Variants in PPP2R2C observed in about 807,000 individuals in gnomAD.
PPP2R2C encodes protein phosphatase 2, regulatory subunit B, gamma.
A neutral mutation model predicts 45.3 loss-of-function variants in PPP2R2C; 10 were observed. That is an observed-to-expected ratio of 0.22 (90% CI 0.14 to 0.37). The LOEUF (loss-of-function observed/expected upper bound fraction) is 0.37. Ranked by LOEUF, PPP2R2C falls within the 10% of genes least tolerant of loss-of-function variation. The pLI, the probability that PPP2R2C is intolerant of heterozygous loss-of-function variation, is 1.00. For missense variants in PPP2R2C, 308 were observed against 619.7 expected (o/e 0.50, Z 5.34); for synonymous variants, 257 against 245.4 (o/e 1.05, Z -0.44).
intron 1 of PPP2R2C, among the ~76,000 whole-genome samples, chr4:6,557,723 C>T (rs1725456242): frequency 6.6e-6 from 1 of 152,094 alleles, no homozygotes; most frequent in Admixed American, 6.5e-5. Flanking sequence ...TTGGGAGGCC[C>T]TCAAGTAGTC....
chr4:6,545,605 G>A (rs1324608911), intron 1 of PPP2R2C, among the ~76,000 whole-genome samples: 2 of 152,184 alleles, frequency 1.3e-5, no homozygotes, highest in East Asian at 3.9e-4. Context: ...AGACATGAAT[G>A]CACTCAGCCA....
In PPP2R2C at chr4:6,328,997, C is replaced by T. The variant is rs2109160992; in HGVS notation, c.1052+265G>A. On this transcript the variant is annotated intron_variant, in intron 8 of 8. Coordinates refer to ENST00000382599, the MANE Select transcript of PPP2R2C (RefSeq NM_020416.4). The surrounding 1 kb of genome is among the most constrained non-coding windows in gnomAD (Gnocchi z 4.4). ...CACCGGGGACCCTGAATTAACTAAA[C>T]ATGTTCCCACTACTGCCCATAGGGC... 6.6e-6 allele frequency among the ~76,000 whole-genome samples: 1 copy of T among 152,356 alleles called. No individual in the cohort carries two copies. The highest frequency in any genetic ancestry group is 2.4e-5 in the African/African-American group (1 of 41,584).
At chr4:6,397,121 T>C (rs1717091701) in intron 1 of PPP2R2C, among the ~76,000 whole-genome samples, 1 of 152,336 alleles carries the variant, frequency 6.6e-6, no homozygotes, top group Admixed American at 6.5e-5. Flanking sequence ...CCTCAGAGCT[T>C]GGACTCCTCA....
At chr4:6,382,316 G>C (rs1715862630) in intron 1 of PPP2R2C, 1 of 1,288,098 alleles carries the variant, frequency 7.8e-7, no homozygotes. Context: ...CAAAATCTGT[G>C]ATACCACCTT....
At chr4:6,377,845 G>A (rs958265274) in intron 3 of PPP2R2C, among the ~76,000 whole-genome samples, 2 of 152,080 alleles carry the variant, frequency 1.3e-5, no homozygotes, top group African/African-American at 2.4e-5. Context: ...GCGTCAGGCC[G>A]AGAGCCTCCG....
intron 5 of PPP2R2C, among the ~76,000 whole-genome samples, chr4:6,371,916 C>T (rs1714859344): frequency 1.3e-5 from 2 of 152,260 alleles, no homozygotes; most frequent in African/African-American, 4.8e-5. Context: ...GGCCAAGCCT[C>T]GCCCTGCCTG....
In PPP2R2C at chr4:6,331,983, G is replaced by A. The variant is rs1044344870; in HGVS notation, c.960+1579C>T. ...TATTGCTATTATTTTAGCATCAATA[G>A]GTCAGCTGGGCCAGATGCCAAGTGC... is the stretch of plus-strand genomic sequence containing the variant. On this transcript the variant is annotated intron_variant, in intron 7 of 8. Coordinates refer to ENST00000382599, the MANE Select transcript of PPP2R2C (RefSeq NM_020416.4). This position sits in a 1 kb window ranked among gnomAD's most constrained non-coding sequence, Gnocchi z 5.9. 6.6e-6 allele frequency among the ~76,000 whole-genome samples: 1 copy of A among 152,154 alleles called. No homozygotes were observed. The highest frequency in any genetic ancestry group is 2.4e-5 in the African/African-American group (1 of 41,414).
At chr4:6,403,041 G>A (rs191026546) in intron 1 of PPP2R2C, among the ~76,000 whole-genome samples, 68 of 152,338 alleles carry the variant, frequency 4.5e-4, no homozygotes, top group Middle Eastern at 3.4e-3. Context: ...CAGGCGGCAG[G>A]AGGGCAGTAA....
intron 6 of PPP2R2C, among the ~76,000 whole-genome samples, chr4:6,334,686 G>T (rs770146056): frequency 2.0e-5 from 3 of 152,164 alleles, no homozygotes; most frequent in African/African-American, 7.2e-5. Context: ...AAGAGAACAG[G>T]GTGGTGGAGT....
chr4:6,349,786 G>A, intron 5 of PPP2R2C: 1 of 799,434 alleles, frequency 1.3e-6, no homozygotes, highest in South Asian at 5.7e-5. Flanking sequence ...AGCTAATCAG[G>A]AGGCTGAGGC....
intron 5 of PPP2R2C, among the ~76,000 whole-genome samples, chr4:6,369,502 A>C (rs1394084681): frequency 6.6e-6 from 1 of 152,228 alleles, no homozygotes; most frequent in African/African-American, 2.4e-5. Context: ...TTTTTTTTAA[A>C]TGGGAAAAGT....
chr4:6,555,871 C>T (rs1243315678), intron 1 of PPP2R2C, among the ~76,000 whole-genome samples: 2 of 152,196 alleles, frequency 1.3e-5, no homozygotes, highest in African/African-American at 4.8e-5. Flanking sequence ...CTGTTGTCCC[C>T]TGATGTTGGA....
chr4:6,527,638 C>T (rs1046294984), intron 2 of PPP2R2C, among the ~76,000 whole-genome samples: 1 of 148,258 alleles, frequency 6.7e-6, no homozygotes, highest in Admixed American at 6.8e-5. Flanking sequence ...ATGCCCTGGC[C>T]ACATGGAACT....
chr4:6,328,317 G>T lies in PPP2R2C; in HGVS notation c.1052+945C>A, dbSNP rs1286528290. ...ATCTCCACACTGTGTATCATCTGGA[G>T]ACCCACTTCTGAATCTGGGCGGCTG... is the stretch of plus-strand genomic sequence containing the variant. On this transcript the variant is annotated intron_variant, in intron 8 of 8. Transcript: ENST00000382599. This position sits in a 1 kb window ranked among gnomAD's most constrained non-coding sequence, Gnocchi z 4.4. Among the ~76,000 whole-genome samples the T allele has an allele frequency of 6.6e-6, 1 of 152,200 alleles. No homozygotes were observed. Among genetic ancestry groups the T allele is most frequent in the African/African-American group, 2.4e-5 (1 of 41,450 alleles).
chr4:6,350,130 AG>A (rs1448036579), intron 5 of PPP2R2C: 1 of 985,304 alleles, frequency 1.0e-6, no homozygotes, highest in East Asian at 1.1e-4. Flanking sequence ...AGGAAACTAC[AG>A]TTTTCCAGTA....
At chr4:6,383,188 T>C (rs1715979055) in intron 1 of PPP2R2C, 1 of 1,187,230 alleles carries the variant, frequency 8.4e-7, no homozygotes, top group African/African-American at 1.6e-5. Flanking sequence ...CTGCGCAGGC[T>C]GGCCCACTGG....
At chr4:6,340,695 C>T (rs1162432725) in intron 6 of PPP2R2C, among the ~76,000 whole-genome samples, 1 of 152,272 alleles carries the variant, frequency 6.6e-6, no homozygotes, top group Non-Finnish European at 1.5e-5. Context: ...TTCTACCTCA[C>T]CCCTCAGCTT....
intron 2 of PPP2R2C, among the ~76,000 whole-genome samples, chr4:6,521,569 C>T (rs1161938083): frequency 6.6e-6 from 1 of 152,202 alleles, no homozygotes; most frequent in East Asian, 1.9e-4. Flanking sequence ...CCTGCGTATG[C>T]ACTTCTTAGG....
At chr4:6,337,110 GTGTATATA>G (rs1302180611) in intron 6 of PPP2R2C, among the ~76,000 whole-genome samples, 878 of 41,464 alleles carry the variant, frequency 0.021, 62 homozygotes, top group Non-Finnish European at 0.032. Flanking sequence ...GTATGTGTGT[GTGTATATA>G]TATATATATA....
Sources: gnomAD v4.1 joint callset for allele counts (sites outside exome capture counted in the v4.1 genomes callset) on GRCh38, gnomAD v4.1.1 for gene constraint, Gnocchi (gnomAD v3.1) non-coding constraint, MANE v1.5 for transcripts, NCBI Gene and HGNC (gene_info 2026-07-23, HGNC 2026-07-21) for gene names.